The following DERA variants were observed in gnomAD, a reference collection of about 807,000 sequenced individuals.
DERA encodes the protein deoxyribose-phosphate aldolase.
In DERA, 15 loss-of-function variants were observed where a neutral mutation model predicts 41.1. That is an observed-to-expected ratio of 0.37 (90% CI 0.24 to 0.56). The LOEUF (loss-of-function observed/expected upper bound fraction) is 0.56, where lower values mean the gene tolerates loss of function less well. DERA is among the 20% of genes least tolerant of loss of function. DERA has a pLI of 0.81. For missense variants in DERA, 396 were observed against 403.4 expected (o/e 0.98, Z 0.16); for synonymous variants, 139 against 137.4 (o/e 1.01, Z -0.08).
At chr12:16,002,875 C>G (rs1470009749) in intron 6 of DERA, among the ~76,000 whole-genome samples, 1 of 152,196 alleles carries the variant, frequency 6.6e-6, no homozygotes, top group Non-Finnish European at 1.5e-5. Context: ...ATCTCCTCCC[C>G]TGCCCCAGCT....
At position 15,922,195 on chromosome 12, in the gene DERA, C is replaced by T. The variant is rs7298309; in HGVS notation, c.31+10781C>T. ...CCTTCATCAAATTTTAAAATATCCC[C>T]GGGGAAGTACGCTGCCTTATTCTTG... On this transcript the variant is annotated intron_variant, in intron 1 of 8. Transcript: ENST00000428559. The surrounding 1 kb of genome is among the most constrained non-coding windows in gnomAD (Gnocchi z 4.9). Among the ~76,000 whole-genome samples, 15,950 of 152,044 alleles carry T rather than the reference C, an allele frequency of 0.1. 2,764 individuals carry two copies. The highest frequency in any genetic ancestry group is 0.36 in the African/African-American group (14,850 of 41,404).
chr12:15,993,330 C>T lies in DERA; in HGVS notation c.637+10894C>T, dbSNP rs965131116. On this transcript the variant is annotated intron_variant, in intron 6 of 8. Coordinates refer to ENST00000428559, the MANE Select transcript of DERA (RefSeq NM_015954.4). This position sits in a 1 kb window ranked among gnomAD's most constrained non-coding sequence, Gnocchi z 4.4. Reference sequence around the variant, plus strand: ...ATATATTTTTGAAAATTTAAATATGCATCAAATAGTAAAGTAAATGACAAT... The same window carrying T: ...ATATATTTTTGAAAATTTAAATATGTATCAAATAGTAAAGTAAATGACAAT... Among the ~76,000 whole-genome samples, 8 of 151,982 alleles carry T rather than the reference C, an allele frequency of 5.3e-5. No individual in the cohort carries two copies. The highest frequency in any genetic ancestry group is 7.4e-5 in the Non-Finnish European group (5 of 67,982).
In DERA at chr12:16,036,195, C is replaced by A; in HGVS notation, c.751-37C>A. On this transcript the variant is annotated intron_variant, in intron 7 of 8. Coordinates refer to ENST00000428559, the MANE Select transcript of DERA (RefSeq NM_015954.4). The surrounding 1 kb of genome is among the most constrained non-coding windows in gnomAD (Gnocchi z 4.9). ...ACTATTTTTAAAAGAAATCCAATAA[C>A]AATAAAGATTGTTCTATTCTCTGCC... 1 of 1,508,234 alleles carries A rather than the reference C, an allele frequency of 6.6e-7. No homozygotes were observed. Among genetic ancestry groups the A allele is most frequent in the Non-Finnish European group, 8.9e-7 (1 of 1,125,594 alleles). The allele number at this position is 1,508,234 out of a possible 1,614,324, so 93.4% of individuals were successfully genotyped here. A position where few individuals can be genotyped will look rare whatever the true frequency, so the allele number is the denominator to read the frequency against.
rs545992750 is a variant in DERA at position 15,994,438 on chromosome 12, G to A, written c.637+12002G>A. ...ATTTATTCCTTAATATCTGTGCCAC[G>A]TGGTTACTGATCTATTAGAAAATTC... On this transcript the variant is annotated intron_variant, in intron 6 of 8. Transcript: ENST00000428559. This position sits in a 1 kb window ranked among gnomAD's most constrained non-coding sequence, Gnocchi z 4.8. Among the ~76,000 whole-genome samples, 2 of 152,240 alleles carry A rather than the reference G, an allele frequency of 1.3e-5. No individual in the cohort carries two copies. The highest frequency in any genetic ancestry group is 1.3e-4 in the Admixed American group (2 of 15,290).
intron 5 of DERA, among the ~76,000 whole-genome samples, chr12:15,973,250 C>T (rs758451185): frequency 1.3e-5 from 2 of 152,212 alleles, no homozygotes; most frequent in Admixed American, 6.5e-5. Context: ...CTAGCACACC[C>T]ACTTTCACTA....
chr12:16,017,479 A>G lies in DERA; in HGVS notation c.638-15063A>G, dbSNP rs1948990333. On this transcript the variant is annotated intron_variant, in intron 6 of 8. Coordinates refer to ENST00000428559, the MANE Select transcript of DERA (RefSeq NM_015954.4). The surrounding 1 kb of genome is among the most constrained non-coding windows in gnomAD (Gnocchi z 5.5). ...ATGGGTAGCTAATTATCCTTGGATC[A>G]TGTAAGCATGTCTTTGTGGAATCAC... 6.6e-6 allele frequency among the ~76,000 whole-genome samples: 1 copy of G among 152,168 alleles called. No individual in the cohort carries two copies. Among genetic ancestry groups the G allele is most frequent in the East Asian group, 1.9e-4 (1 of 5,190 alleles).
At chr12:16,005,705 A>G (rs142364887) in intron 6 of DERA, among the ~76,000 whole-genome samples, 1,540 of 152,340 alleles carry the variant, frequency 0.01, 14 homozygotes, top group Non-Finnish European at 0.017. Context: ...AAAAACTTCT[A>G]TATTTTTGGA....
rs1948947465 is a variant in DERA, at chr12:16,011,600, A to C, written c.638-20942A>C. On this transcript the variant is annotated intron_variant, in intron 6 of 8. Transcript: ENST00000428559. The surrounding 1 kb of genome is among the most constrained non-coding windows in gnomAD (Gnocchi z 4.7). ...AGTAAAAGAAAAGAGAATGTGTTAG[A>C]TACGATTTTGTCATTTTAACATGAG... 6.6e-6 allele frequency among the ~76,000 whole-genome samples: 1 copy of C among 152,210 alleles called. No homozygotes were observed. The highest frequency in any genetic ancestry group is 2.4e-5 in the African/African-American group (1 of 41,450).
At chr12:15,962,106 T>C (rs980584698) in intron 4 of DERA, among the ~76,000 whole-genome samples, 1 of 152,200 alleles carries the variant, frequency 6.6e-6, no homozygotes, top group African/African-American at 2.4e-5. Flanking sequence ...GGAGAGTTAA[T>C]GATGTGCATG....
rs1341924224 is a variant in DERA at position 15,957,710 on chromosome 12, T to G, written c.130-478T>G. Among the ~76,000 whole-genome samples the G allele has an allele frequency of 6.6e-6, 1 of 152,206 alleles. No homozygotes were observed. Among genetic ancestry groups the G allele is most frequent in the Non-Finnish European group, 1.5e-5 (1 of 68,030 alleles). Reference sequence around the variant, plus strand: ...ATTCATCAGACTGAGTTGTGAAATATGAATATTGTTTTAAAAATGGAATTG... The same window carrying G: ...ATTCATCAGACTGAGTTGTGAAATAGGAATATTGTTTTAAAAATGGAATTG... On this transcript the variant is annotated intron_variant, in intron 2 of 8. Transcript: ENST00000428559. This position sits in a 1 kb window ranked among gnomAD's most constrained non-coding sequence, Gnocchi z 4.8.
intron 5 of DERA, among the ~76,000 whole-genome samples, chr12:15,963,370 T>G (rs768709863): frequency 2.8e-4 from 43 of 152,320 alleles, no homozygotes; most frequent in Admixed American, 7.2e-4. Flanking sequence ...TTTATGTTAA[T>G]TTTTGCAGTC....
At chr12:16,007,163 T>A (rs1034258430) in intron 6 of DERA, among the ~76,000 whole-genome samples, 1 of 151,578 alleles carries the variant, frequency 6.6e-6, no homozygotes, top group South Asian at 2.1e-4. Flanking sequence ...TTACTCTTTT[T>A]GGGGTTTTTT....
rs563799600 is a variant in DERA, at chr12:15,922,982, G to A, written c.31+11568G>A. 6.7e-6 allele frequency among the ~76,000 whole-genome samples: 1 copy of A among 150,008 alleles called. No individual in the cohort carries two copies. The highest frequency in any genetic ancestry group is 1.5e-5 in the Non-Finnish European group (1 of 67,576). On this transcript the variant is annotated intron_variant, in intron 1 of 8. Coordinates refer to ENST00000428559, the MANE Select transcript of DERA (RefSeq NM_015954.4). This position sits in a 1 kb window ranked among gnomAD's most constrained non-coding sequence, Gnocchi z 4.9. ...TTCTGTTCAGTTTTGCTGTGAGTCT[G>A]AAACTGCTCTAAAAAATAGTGGTTT...
At chr12:16,022,934 A>T (rs116912279) in intron 6 of DERA, among the ~76,000 whole-genome samples, 1 of 152,308 alleles carries the variant, frequency 6.6e-6, no homozygotes, top group Non-Finnish European at 1.5e-5. Flanking sequence ...GAAGGAGAAG[A>T]TAATCATTGT....
rs1272731822 is a variant in DERA at position 15,998,621 on chromosome 12, A to G, written c.637+16185A>G. Among the ~76,000 whole-genome samples the G allele has an allele frequency of 6.6e-6, 1 of 152,108 alleles. No homozygotes were observed. The highest frequency in any genetic ancestry group is 1.9e-4 in the East Asian group (1 of 5,168). ...TGTGAGCCACCACGCCTGGCCTAAC[A>G]CAGGAAGTCTTTCAACTCACATTTG... is the stretch of plus-strand genomic sequence containing the variant. On this transcript the variant is annotated intron_variant, in intron 6 of 8. Coordinates refer to ENST00000428559, the MANE Select transcript of DERA (RefSeq NM_015954.4). This position sits in a 1 kb window ranked among gnomAD's most constrained non-coding sequence, Gnocchi z 4.8.
intron 6 of DERA, among the ~76,000 whole-genome samples, chr12:16,002,334 C>T (rs1190599532): frequency 5.6e-5 from 8 of 141,958 alleles, no homozygotes; most frequent in Admixed American, 7.1e-5. Context: ...TAGGAGCCAA[C>T]GTATATAACC....
At position 16,010,726 on chromosome 12, in the gene DERA, C is replaced by T. The variant is rs1000618722; in HGVS notation, c.638-21816C>T. ...TTCCATATAGTAAATGCTTTCCATT[C>T]AGGGCTGTTTGAAAGTTCACCTGTC... On this transcript the variant is annotated intron_variant, in intron 6 of 8. Coordinates refer to ENST00000428559, the MANE Select transcript of DERA (RefSeq NM_015954.4). This position sits in a 1 kb window ranked among gnomAD's most constrained non-coding sequence, Gnocchi z 5.5. 3.3e-5 allele frequency among the ~76,000 whole-genome samples: 5 copies of T among 152,008 alleles called. No individual in the cohort carries two copies. The highest frequency in any genetic ancestry group is 4.8e-5 in the African/African-American group (2 of 41,384).
Position 16,021,364 on chromosome 12 carries a change from G to A in DERA, c.638-11178G>A, listed in dbSNP as rs978916149. 3.3e-5 allele frequency among the ~76,000 whole-genome samples: 5 copies of A among 152,228 alleles called. No homozygotes were observed. Among genetic ancestry groups the A allele is most frequent in the African/African-American group, 1.2e-4 (5 of 41,452 alleles). On this transcript the variant is annotated intron_variant, in intron 6 of 8. Transcript: ENST00000428559. The surrounding 1 kb of genome is among the most constrained non-coding windows in gnomAD (Gnocchi z 5.3). ...AGTTGTAAGCCTTGCTGGTTTCTAT[G>A]TGATGTTAAGCCTTGAGGTTCATGG...
rs143305730 is a variant in DERA, at chr12:15,956,483, G to A, written c.32-453G>A. The A allele has an allele frequency of 1.8e-3, 576 of 318,406 alleles. 10 individuals are homozygous for A. The highest frequency in any genetic ancestry group is 0.017 in the East Asian group (203 of 12,260). 19.7% of individuals were successfully genotyped at this position (318,406 alleles called of 1,614,324 possible). ...CAGTAGGTATTAATCTTGCCAGTAAGCGGGTAGTGAGCACAGATTCTGTAA... is the reference window on the plus strand; with the variant it reads ...CAGTAGGTATTAATCTTGCCAGTAAACGGGTAGTGAGCACAGATTCTGTAA... On this transcript the variant is annotated intron_variant, in intron 1 of 8. Coordinates refer to ENST00000428559, the MANE Select transcript of DERA (RefSeq NM_015954.4).
Sources: gnomAD v4.1 joint callset for allele counts (sites outside exome capture counted in the v4.1 genomes callset) on GRCh38, gnomAD v4.1.1 for gene constraint, Gnocchi (gnomAD v3.1) non-coding constraint, MANE v1.5 for transcripts, NCBI Gene and HGNC (gene_info 2026-07-23, HGNC 2026-07-21) for gene names.